PTPN13: variants seen among roughly 807,000 people sequenced by gnomAD.
The protein encoded by PTPN13 is tyrosine-protein phosphatase non-receptor type 13.
In PTPN13, 191 loss-of-function variants were observed where a neutral mutation model predicts 284.0. The observed-to-expected ratio is 0.67, with a 90% CI of 0.60 to 0.76. The LOEUF is 0.76. Among genes scored for constraint, PTPN13 ranks in the 30% least tolerant of loss-of-function variants. The pLI is 0.00. For missense variants in PTPN13, 2,797 were observed against 2,939.9 expected (o/e 0.95, Z 1.12); for synonymous variants, 986 against 1,022.3 (o/e 0.96, Z 0.68).
At chr4:86,713,072 T>G (rs928906588) in intron 7 of PTPN13, among the ~76,000 whole-genome samples, 1 of 152,054 alleles carries the variant, frequency 6.6e-6, no homozygotes, top group African/African-American at 2.4e-5. Flanking sequence ...GGTGTGAAAT[T>G]GTAACAAGGC....
chr4:86,803,810 G>C lies in PTPN13; in HGVS notation c.6607G>C (p.Val2203Leu). The C allele has an allele frequency of 6.2e-7, 1 of 1,613,884 alleles. No homozygotes were observed. Among genetic ancestry groups the C allele is most frequent in the Non-Finnish European group, 8.5e-7 (1 of 1,179,832 alleles). Residue 2203 changes from valine (V) to leucine (L), a missense_variant, in exon 43 of 48, where the codon GTC becomes CTC. By Grantham distance (32) the Val-to-Leu change is conservative. Coordinates refer to ENST00000411767, the MANE Select transcript of PTPN13 (RefSeq NM_080683.3). ...TGCCAACTTAAAATCAGTCATTCGA[G>C]TCCTGCGGGGTTTGCTAGATCAAGG... ...TGANLKSVIR[V>L]LRGLLDQGIP...
rs745614181 is a variant in PTPN13, at chr4:86,701,710, G to T, written c.1104G>T (p.Leu368Phe). ...ATCCAATATATCACACTCGAGAATT[G>T]CCCACCTCCTCAGCAATATCAAGTG... ...KMDPIYHTRELPTSSAISSAL... is the reference protein window; with the variant it reads ...KMDPIYHTREFPTSSAISSAL... Residue 368 changes from leucine to phenylalanine, a missense_variant, in exon 7 of 48, where the codon TTG (leucine) becomes TTT (phenylalanine). By Grantham distance (22) the Leu-to-Phe change is conservative. Transcript: ENST00000411767. 1.9e-5 allele frequency: 30 copies of T among 1,613,940 alleles called. No homozygotes were observed. The South Asian group carries it at 2.7e-4, about 15-fold the overall frequency.
intron 42 of PTPN13, among the ~76,000 whole-genome samples, chr4:86,801,060 C>G (rs1743977283): frequency 6.6e-6 from 1 of 152,226 alleles, no homozygotes; most frequent in Non-Finnish European, 1.5e-5. Context: ...TAAAGCTACA[C>G]TTGTGCAGTC....
intron 17 of PTPN13, 45 bp downstream of exon 17, chr4:86,745,173 T>A (rs781266343): frequency 8.1e-5 from 125 of 1,543,136 alleles, no homozygotes; most frequent in Non-Finnish European, 1.0e-4. Flanking sequence ...GGAATATGAA[T>A]AATTTTTGCC....
chr4:86,738,138 T>G (rs1042664329), intron 15 of PTPN13, among the ~76,000 whole-genome samples: 50 of 152,224 alleles, frequency 3.3e-4, no homozygotes, highest in African/African-American at 9.4e-4. Context: ...GCTTATTCTT[T>G]TCATTAGTTG....
intron 20 of PTPN13, among the ~76,000 whole-genome samples, chr4:86,757,588 A>G (rs1738123179): frequency 6.6e-6 from 1 of 151,926 alleles, no homozygotes; most frequent in African/African-American, 2.4e-5. Flanking sequence ...TGGGCAACAT[A>G]GACTCCATCT....
chr4:86,711,117 T>TTTTTTTTTTTTG (rs1732367517), intron 7 of PTPN13, among the ~76,000 whole-genome samples: 1 of 148,736 alleles, frequency 6.7e-6, no homozygotes, highest in African/African-American at 2.5e-5. Flanking sequence ...TTTTTTTTTT[T>TTTTTTTTTTTTG]GGAGAGATGG....
chr4:86,595,612 C>G (rs1442562946), intron 1 of PTPN13: 1 of 273,550 alleles, frequency 3.7e-6, no homozygotes, highest in South Asian at 1.4e-4. Context: ...CTAATCTGTT[C>G]GACAGCCTTG....
intron 40 of PTPN13, among the ~76,000 whole-genome samples, chr4:86,795,936 G>A (rs6830521): frequency 0.045 from 6,878 of 152,154 alleles, 507 homozygotes; most frequent in African/African-American, 0.16. Flanking sequence ...AATACCTAAT[G>A]TAAATGATGA....
chr4:86,757,419 G>A (rs1738104517), intron 20 of PTPN13, among the ~76,000 whole-genome samples: 1 of 152,092 alleles, frequency 6.6e-6, no homozygotes, highest in African/African-American at 2.4e-5. Context: ...TGAAATGAAT[G>A]AAGATCCTTT....
intron 40 of PTPN13, among the ~76,000 whole-genome samples, chr4:86,788,482 A>G (rs1742248350): frequency 6.6e-6 from 1 of 152,208 alleles, no homozygotes. Context: ...TAAGATGCTA[A>G]CCATTGGTAT....
chr4:86,638,383 C>G (rs568215066), intron 2 of PTPN13, among the ~76,000 whole-genome samples: 20 of 152,254 alleles, frequency 1.3e-4, no homozygotes, highest in African/African-American at 4.1e-4. Context: ...CAGTCCTAAA[C>G]CAAAAGAACA....
intron 1 of PTPN13, among the ~76,000 whole-genome samples, chr4:86,616,536 G>A (rs1337353291): frequency 2.6e-5 from 4 of 151,410 alleles, no homozygotes; most frequent in Non-Finnish European, 4.4e-5. Context: ...TATTTAGATC[G>A]TGGGGCCATG....
At chr4:86,652,811 G>T (rs114808288) in intron 2 of PTPN13, among the ~76,000 whole-genome samples, 1 of 152,056 alleles carries the variant, frequency 6.6e-6, no homozygotes, top group South Asian at 2.1e-4. Context: ...GGTTTGAAGA[G>T]TTCTCTGTAA....
chr4:86,599,955 A>T (rs528571072), intron 1 of PTPN13, among the ~76,000 whole-genome samples: 1 of 152,310 alleles, frequency 6.6e-6, no homozygotes, highest in Admixed American at 6.5e-5. Flanking sequence ...AATACTGAAA[A>T]TAGTCATCAT....
At chr4:86,766,620 A>G in intron 27 of PTPN13, 103 bp downstream of exon 27, 3 of 793,708 alleles carry the variant, frequency 3.8e-6, no homozygotes, top group Non-Finnish European at 5.6e-6. Context: ...TCAGCTAATC[A>G]AGAAACCAAG....
chr4:86,651,734 T>C (rs1428436422), intron 2 of PTPN13, among the ~76,000 whole-genome samples: 1 of 152,158 alleles, frequency 6.6e-6, no homozygotes, highest in African/African-American at 2.4e-5. Context: ...TAGGAATTGA[T>C]CCATTTCTTC....
intron 3 of PTPN13, among the ~76,000 whole-genome samples, chr4:86,674,923 G>A (rs1398308153): frequency 6.6e-5 from 10 of 152,140 alleles, no homozygotes; most frequent in Admixed American, 6.5e-4. Context: ...AAAGGGATTC[G>A]AACATTGGAA....
chr4:86,680,778 G>T (rs1728816859), intron 3 of PTPN13, among the ~76,000 whole-genome samples: 2 of 152,194 alleles, frequency 1.3e-5, no homozygotes, highest in African/African-American at 4.8e-5. Flanking sequence ...TAGATGCACA[G>T]GCTGTAGCCA....
Sources: allele counts gnomAD v4.1 joint callset (sites outside exome capture counted in the v4.1 genomes callset), GRCh38; gene constraint gnomAD v4.1.1; transcripts MANE v1.5; gene names NCBI Gene and HGNC (gene_info 2026-07-23, HGNC 2026-07-21).